Variants in CFAP299 observed in about 807,000 individuals in gnomAD.
CFAP299 encodes cilia and flagella associated protein 299.
A neutral mutation model predicts 27.0 loss-of-function variants in CFAP299; 21 were observed. The observed-to-expected ratio is 0.78, with a 90% CI of 0.55 to 1.12. The LOEUF (loss-of-function observed/expected upper bound fraction) is 1.12, where lower values mean the gene tolerates loss of function less well. CFAP299 is among the 50% of genes most tolerant of loss of function. CFAP299 has a pLI of 0.00. For synonymous variants in CFAP299, 104 were observed against 98.1 expected, an observed-to-expected ratio of 1.06 and a Z score of -0.36; for missense variants, 310 against 276.6, an observed-to-expected ratio of 1.12 and a Z score of -0.86.
intron 3 of CFAP299, among the ~76,000 whole-genome samples, chr4:80,666,427 C>A (rs1457371162): frequency 1.3e-5 from 2 of 152,266 alleles, no homozygotes; most frequent in Admixed American, 6.5e-5. Context: ...GAGATCGCCA[C>A]TGGGTTCAAA....
At chr4:80,575,594 T>A (rs778834501) in intron 2 of CFAP299, among the ~76,000 whole-genome samples, 2 of 152,072 alleles carry the variant, frequency 1.3e-5, no homozygotes, top group Non-Finnish European at 2.9e-5. Flanking sequence ...AAAAACCAAT[T>A]TTCCCTTTTG....
intron 3 of CFAP299, among the ~76,000 whole-genome samples, chr4:80,651,384 G>A (rs1371482910): frequency 1.4e-4 from 12 of 86,700 alleles, no homozygotes; most frequent in Non-Finnish European, 2.6e-4. Flanking sequence ...TTTTTTTGTT[G>A]AGACAGAGTC....
At chr4:80,806,643 T>C (rs148536249) in intron 3 of CFAP299, among the ~76,000 whole-genome samples, 9 of 152,278 alleles carry the variant, frequency 5.9e-5, no homozygotes, top group African/African-American at 1.9e-4. Flanking sequence ...TATTGCAAAA[T>C]GTCAACACAA....
intron 2 of CFAP299, among the ~76,000 whole-genome samples, chr4:80,400,251 G>A (rs761047197): frequency 9.2e-5 from 14 of 152,044 alleles, no homozygotes; most frequent in Admixed American, 3.9e-4. Context: ...TGTGTGTCAG[G>A]CACTGGGGAG....
intron 2 of CFAP299, among the ~76,000 whole-genome samples, chr4:80,457,108 T>C (rs1010369859): frequency 1.3e-5 from 2 of 152,124 alleles, no homozygotes; most frequent in Non-Finnish European, 2.9e-5. Context: ...GTTTGCATTA[T>C]GCCAAAATGT....
At chr4:80,793,964 C>A (rs1172415941) in intron 3 of CFAP299, among the ~76,000 whole-genome samples, 1 of 152,162 alleles carries the variant, frequency 6.6e-6, no homozygotes, top group Non-Finnish European at 1.5e-5. Context: ...CCCAAACCTT[C>A]ATTCCTGAAG....
chr4:80,523,712 G>A (rs1047630750), intron 2 of CFAP299, among the ~76,000 whole-genome samples: 1 of 152,130 alleles, frequency 6.6e-6, no homozygotes. Flanking sequence ...TCAGGACTTA[G>A]CATTTAGACT....
At chr4:80,503,465 C>T (rs911391626) in intron 2 of CFAP299, among the ~76,000 whole-genome samples, 2 of 152,016 alleles carry the variant, frequency 1.3e-5, no homozygotes, top group Non-Finnish European at 1.5e-5. Flanking sequence ...TTTTATGAGG[C>T]TGTATAATGT....
At chr4:80,467,904 A>G (rs1278691914) in intron 2 of CFAP299, among the ~76,000 whole-genome samples, 1 of 152,176 alleles carries the variant, frequency 6.6e-6, no homozygotes, top group Non-Finnish European at 1.5e-5. Context: ...TTATAAAACC[A>G]TCAGATCTCA....
At chr4:80,710,060 T>C (rs1488667049) in intron 3 of CFAP299, among the ~76,000 whole-genome samples, 1 of 152,068 alleles carries the variant, frequency 6.6e-6, no homozygotes, top group Non-Finnish European at 1.5e-5. Flanking sequence ...CAAATGTAGC[T>C]GAAAGAAAAT....
intron 3 of CFAP299, among the ~76,000 whole-genome samples, chr4:80,782,662 T>C (rs1478747259): frequency 1.6e-5 from 2 of 127,338 alleles, no homozygotes; most frequent in African/African-American, 5.7e-5. Context: ...ATATAATATA[T>C]TCATATATAA....
chr4:80,402,611 A>T (rs1232762860), intron 2 of CFAP299, among the ~76,000 whole-genome samples: 2 of 152,218 alleles, frequency 1.3e-5, no homozygotes, highest in Non-Finnish European at 2.9e-5. Context: ...TATCAGCAGC[A>T]TGAAAACAAA....
At chr4:80,525,361 T>C (rs1358815538) in intron 2 of CFAP299, among the ~76,000 whole-genome samples, 1 of 152,152 alleles carries the variant, frequency 6.6e-6, no homozygotes, top group Non-Finnish European at 1.5e-5. Flanking sequence ...ATCATATTTA[T>C]CCATATCCAT....
At chr4:80,426,426 G>T (rs1727531737) in intron 2 of CFAP299, among the ~76,000 whole-genome samples, 2 of 152,086 alleles carry the variant, frequency 1.3e-5, no homozygotes, top group Admixed American at 6.6e-5. Context: ...ACTATCTATT[G>T]TTCTTCATCC....
intron 3 of CFAP299, among the ~76,000 whole-genome samples, chr4:80,832,528 T>G (rs28397185): frequency 6.6e-6 from 1 of 152,046 alleles, no homozygotes; most frequent in Non-Finnish European, 1.5e-5. Flanking sequence ...AAAAAAAGCT[T>G]ATATAATTTT....
At chr4:80,343,572 G>C (rs1207649094) in intron 1 of CFAP299, among the ~76,000 whole-genome samples, 1 of 152,052 alleles carries the variant, frequency 6.6e-6, no homozygotes, top group Non-Finnish European at 1.5e-5. Flanking sequence ...GGTGGATCAT[G>C]AGGTCAGGAG....
intron 2 of CFAP299, among the ~76,000 whole-genome samples, chr4:80,577,409 T>TTC (rs1735925973): frequency 7.4e-6 from 1 of 134,776 alleles, no homozygotes; most frequent in African/African-American, 2.7e-5. Flanking sequence ...TTTTTTTTTT[T>TTC]TTTTTTTTTT....
chr4:80,865,282 C>A (rs1159818775), intron 3 of CFAP299, among the ~76,000 whole-genome samples: 12 of 152,142 alleles, frequency 7.9e-5, no homozygotes, highest in Non-Finnish European at 1.6e-4. Flanking sequence ...ACTATTAACT[C>A]TGGAGCAAAA....
intron 3 of CFAP299, among the ~76,000 whole-genome samples, chr4:80,650,368 CATA>C (rs1740221612): frequency 6.6e-6 from 1 of 152,072 alleles, no homozygotes. Flanking sequence ...ATCATATTCT[CATA>C]AAATTATATT....
Sources: gnomAD v4.1 joint callset for allele counts (sites outside exome capture counted in the v4.1 genomes callset) on GRCh38, gnomAD v4.1.1 for gene constraint, MANE v1.5 for transcripts, NCBI Gene and HGNC (gene_info 2026-07-23, HGNC 2026-07-21) for gene names.